CDYL: variants seen among roughly 807,000 people sequenced by gnomAD.
CDYL encodes chromodomain Y like.
Under a neutral mutation model 47.3 loss-of-function variants are expected in CDYL, and 8 were observed. That is an observed-to-expected ratio of 0.17 (90% CI 0.10 to 0.31). The LOEUF (loss-of-function observed/expected upper bound fraction) is 0.31. Ranked by LOEUF, CDYL falls within the 10% of genes least tolerant of loss-of-function variation. The pLI, the probability that CDYL is intolerant of heterozygous loss-of-function variation, is 1.00. For missense variants in CDYL, 471 were observed against 701.4 expected (o/e 0.67, Z 3.71); for synonymous variants, 266 against 265.0 (o/e 1.00, Z -0.04).
chr6:4,776,342 G>C (rs1486880869), upstream of CDYL: 1 of 144,564 alleles, frequency 6.9e-6, no homozygotes, highest in African/African-American at 2.5e-5. Flanking sequence ...GAGCGCGGGA[G>C]CGCGGCTCCG....
At chr6:4,950,819 C>A (rs1758677957) in intron 5 of CDYL, among the ~76,000 whole-genome samples, 1 of 151,750 alleles carries the variant, frequency 6.6e-6, no homozygotes, top group African/African-American at 2.4e-5. Flanking sequence ...GTAGTCCCAG[C>A]TACTCACGAG....
chr6:4,843,345 G>A (rs949841260), intron 1 of CDYL, among the ~76,000 whole-genome samples: 6 of 151,994 alleles, frequency 3.9e-5, no homozygotes, highest in Admixed American at 6.6e-5. Context: ...TGAGCTTCTC[G>A]TATTTGGATG....
intron 1 of CDYL, among the ~76,000 whole-genome samples, chr6:4,830,765 C>A (rs1190039538): frequency 1.6e-5 from 2 of 122,586 alleles, no homozygotes; most frequent in Non-Finnish European, 3.3e-5. Context: ...CCCCCCACCC[C>A]ACAACAGGCC....
chr6:4,742,462 G>A (rs766711633), intron 3 of CDYL, among the ~76,000 whole-genome samples: 21 of 150,908 alleles, frequency 1.4e-4, no homozygotes, highest in South Asian at 4.2e-4. Context: ...AAAAGAAAAA[G>A]GAAGAGAGAA....
chr6:4,832,962 T>C (rs1760190733), intron 1 of CDYL, among the ~76,000 whole-genome samples: 1 of 152,114 alleles, frequency 6.6e-6, no homozygotes, highest in Non-Finnish European at 1.5e-5. Flanking sequence ...TTGATTCTTC[T>C]TTTTTTCTTT....
In CDYL at chr6:4,803,074, G is replaced by T. The variant is rs913745796; in HGVS notation, c.24+26267G>T. 2.0e-5 allele frequency among the ~76,000 whole-genome samples: 3 copies of T among 152,142 alleles called. No homozygotes were observed. In the East Asian group the frequency reaches 5.8e-4, roughly 29 times the overall value. On this transcript the variant is annotated intron_variant, in intron 1 of 6. Coordinates refer to ENST00000397588, the MANE Select transcript of CDYL (RefSeq NM_004824.4). ...TCTTAGTAGAAGGAGGCTTTGGCTG[G>T]CTAGTTTCAAGAGCCCTTCAGCCTT...
At chr6:4,912,016 C>T (rs879517538) in intron 2 of CDYL, among the ~76,000 whole-genome samples, 9 of 152,194 alleles carry the variant, frequency 5.9e-5, no homozygotes, top group Admixed American at 5.9e-4. Context: ...GAGCAGGTGT[C>T]ATTTCAATCT....
At chr6:4,710,540 T>C (rs1240403085) in intron 1 of CDYL, among the ~76,000 whole-genome samples, 3 of 138,274 alleles carry the variant, frequency 2.2e-5, no homozygotes, top group African/African-American at 8.2e-5. Flanking sequence ...ACCAGTTTTA[T>C]CTCTAAACCT....
At chr6:4,764,790 C>T (rs1758227197) in intron 3 of CDYL, among the ~76,000 whole-genome samples, 1 of 152,108 alleles carries the variant, frequency 6.6e-6, no homozygotes, top group Non-Finnish European at 1.5e-5. Context: ...TATTTTAATG[C>T]ACCTGTCCCA....
chr6:4,788,990 C>T (rs1484496088), intron 1 of CDYL, among the ~76,000 whole-genome samples: 2 of 152,086 alleles, frequency 1.3e-5, no homozygotes, highest in African/African-American at 4.8e-5. Flanking sequence ...CATGGCGGGC[C>T]AGGTGCTGCT....
Position 4,807,591 on chromosome 6 carries a change from C to CTT in CDYL, c.24+30812_24+30813dup, listed in dbSNP as rs70974139. ...TTCTCTGTATATCATTCATTCATGT[C>CTT]TTTTTTTTTTTTTTTTTTTTTTTTT... On this transcript the variant is annotated intron_variant, in intron 1 of 6. Transcript: ENST00000397588. 1.9e-4 allele frequency among the ~76,000 whole-genome samples: 8 copies of CTT among 42,898 alleles called. 1 individual carries two copies. The highest frequency in any genetic ancestry group is 9.7e-4 in the East Asian group (1 of 1,026). 28.1% of individuals were successfully genotyped at this position (42,898 alleles called of 152,430 possible). A position where few individuals can be genotyped will look rare whatever the true frequency, so the allele number is the denominator to read the frequency against.
intron 1 of CDYL, among the ~76,000 whole-genome samples, chr6:4,784,826 G>A (rs964672274): frequency 1.3e-5 from 2 of 152,104 alleles, no homozygotes; most frequent in African/African-American, 2.4e-5. Flanking sequence ...TAGTTGAATC[G>A]TGGGGTGGAT....
intron 3 of CDYL, among the ~76,000 whole-genome samples, chr6:4,767,119 A>C (rs1409348187): frequency 6.6e-6 from 1 of 152,230 alleles, no homozygotes; most frequent in Non-Finnish European, 1.5e-5. Context: ...AGGATAATGC[A>C]TAAAAACTTT....
chr6:4,800,078 A>G (rs2127438756), intron 1 of CDYL, among the ~76,000 whole-genome samples: 1 of 152,296 alleles, frequency 6.6e-6, no homozygotes, highest in African/African-American at 2.4e-5. Flanking sequence ...ACCAGAATAT[A>G]GTCAGTTCTT....
Position 4,906,566 on chromosome 6 carries a change from C to T in CDYL, c.691+14187C>T, listed in dbSNP as rs570283534. ...GCATGACATTGCGTACAGAGTGTATCGGTTGCTTCTGATTTCCGTGATTTG... is the reference window on the plus strand; with the variant it reads ...GCATGACATTGCGTACAGAGTGTATTGGTTGCTTCTGATTTCCGTGATTTG... On this transcript the variant is annotated intron_variant, in intron 2 of 6. Coordinates refer to ENST00000397588, the MANE Select transcript of CDYL (RefSeq NM_004824.4). Among the ~76,000 whole-genome samples the T allele has an allele frequency of 3.3e-5, 5 of 152,290 alleles. No individual in the cohort carries two copies. In the East Asian group the frequency reaches 5.8e-4, roughly 18 times the overall value.
chr6:4,760,858 T>A (rs1187653902), intron 3 of CDYL, among the ~76,000 whole-genome samples: 1 of 152,078 alleles, frequency 6.6e-6, no homozygotes, highest in Non-Finnish European at 1.5e-5. Flanking sequence ...CTGGGATTTT[T>A]TTTTTTTTCT....
intron 1 of CDYL, among the ~76,000 whole-genome samples, chr6:4,787,616 C>T (rs998132040): frequency 2.6e-5 from 4 of 152,040 alleles, no homozygotes; most frequent in Admixed American, 6.6e-5. Context: ...AGGAACCTAA[C>T]GAAAGTCAAC....
chr6:4,873,132 G>A (rs1761521996), intron 1 of CDYL, among the ~76,000 whole-genome samples: 1 of 152,166 alleles, frequency 6.6e-6, no homozygotes, highest in Non-Finnish European at 1.5e-5. Flanking sequence ...GTACACAAAA[G>A]AGCAAGTGGT....
chr6:4,724,668 G>A (rs550988700), intron 2 of CDYL: 88 of 152,384 alleles, frequency 5.8e-4, no homozygotes, highest in African/African-American at 2.0e-3. Context: ...CCTTCGCAGT[G>A]AGTGTTACAG....
Sources: allele counts gnomAD v4.1 joint callset (sites outside exome capture counted in the v4.1 genomes callset), GRCh38; gene constraint gnomAD v4.1.1; transcripts MANE v1.5; gene names NCBI Gene and HGNC (gene_info 2026-07-23, HGNC 2026-07-21).